The following ULK4 variants were observed in gnomAD, a reference collection of about 807,000 sequenced individuals.
ULK4 encodes the protein inactive serine/threonine-protein kinase ULK4.
A neutral mutation model predicts 160.6 loss-of-function variants in ULK4; 133 were observed. The observed-to-expected ratio is 0.83, with a 90% CI of 0.72 to 0.96. ULK4 has a LOEUF of 0.96. ULK4 is among the 40% of genes least tolerant of loss of function. ULK4 has a pLI of 0.00. For synonymous variants in ULK4, 534 were observed against 539.8 expected (o/e 0.99, Z 0.15); for missense variants, 1,580 against 1,499.5 (o/e 1.05, Z -0.89).
intron 31 of ULK4, among the ~76,000 whole-genome samples, chr3:41,566,683 G>C (rs983244561): frequency 3.3e-5 from 5 of 152,108 alleles, no homozygotes; most frequent in African/African-American, 1.2e-4. Flanking sequence ...AAAGAGAATG[G>C]AAAATGAGTT....
intron 32 of ULK4, among the ~76,000 whole-genome samples, chr3:41,500,670 C>T (rs1241924605): frequency 1.3e-5 from 2 of 152,094 alleles, no homozygotes; most frequent in African/African-American, 4.8e-5. Flanking sequence ...TCACTAGATC[C>T]CACAGAGGCC....
intron 21 of ULK4, among the ~76,000 whole-genome samples, chr3:41,775,031 A>G (rs1406993273): frequency 7.1e-6 from 1 of 141,590 alleles, no homozygotes; most frequent in Non-Finnish European, 1.5e-5. Context: ...ATGGGAACAC[A>G]TGGACACAGG....
intron 35 of ULK4, among the ~76,000 whole-genome samples, chr3:41,255,084 T>C (rs1178485636): frequency 6.6e-6 from 1 of 150,814 alleles, no homozygotes; most frequent in African/African-American, 2.5e-5. Context: ...ATAAAACATA[T>C]CTCTTATATA....
chr3:41,953,432 A>G (rs1024409856), intron 2 of ULK4, among the ~76,000 whole-genome samples: 14 of 151,340 alleles, frequency 9.3e-5, no homozygotes, highest in Non-Finnish European at 1.5e-4. Flanking sequence ...CCTCCTGAGT[A>G]GCTGGAATTA....
intron 29 of ULK4, among the ~76,000 whole-genome samples, chr3:41,672,943 T>C (rs1197761639): frequency 6.6e-6 from 1 of 152,116 alleles, no homozygotes; most frequent in Admixed American, 6.5e-5. Flanking sequence ...GCTTAAGGAA[T>C]CCTCCTACCT....
chr3:41,447,703 G>A (rs1314414758), intron 34 of ULK4, among the ~76,000 whole-genome samples: 2 of 152,172 alleles, frequency 1.3e-5, no homozygotes, highest in Admixed American at 6.5e-5. Flanking sequence ...CGGTTTTTAT[G>A]TATTGCGGTG....
intron 34 of ULK4, among the ~76,000 whole-genome samples, chr3:41,449,056 T>C (rs1409659011): frequency 5.0e-4 from 76 of 152,060 alleles, no homozygotes; most frequent in Non-Finnish European, 2.9e-5. Flanking sequence ...TAGTTGGGAC[T>C]ACAGGCATGC....
intron 30 of ULK4, among the ~76,000 whole-genome samples, chr3:41,644,557 T>C (rs1226066350): frequency 3.3e-5 from 5 of 152,166 alleles, no homozygotes; most frequent in Non-Finnish European, 4.4e-5. Flanking sequence ...TTGATCATGG[T>C]GGATAAGCTT....
intron 32 of ULK4, among the ~76,000 whole-genome samples, chr3:41,517,969 A>C (rs2085807349): frequency 6.6e-6 from 1 of 152,244 alleles, no homozygotes; most frequent in South Asian, 2.1e-4. Flanking sequence ...ATGGCTCAAA[A>C]AAGATTTGTT....
intron 22 of ULK4, among the ~76,000 whole-genome samples, chr3:41,718,844 A>T (rs1285716770): frequency 6.6e-6 from 1 of 152,222 alleles, no homozygotes; most frequent in Non-Finnish European, 1.5e-5. Flanking sequence ...CAATAGACTT[A>T]TGCATGCATT....
intron 21 of ULK4, among the ~76,000 whole-genome samples, chr3:41,780,930 G>A (rs1242540120): frequency 1.3e-5 from 2 of 152,008 alleles, no homozygotes; most frequent in Non-Finnish European, 2.9e-5. Flanking sequence ...CACAGAAAGG[G>A]GAAGGAAAGG....
chr3:41,522,251 C>T (rs2085957656), intron 32 of ULK4, among the ~76,000 whole-genome samples: 1 of 151,762 alleles, frequency 6.6e-6, no homozygotes, highest in South Asian at 2.1e-4. Context: ...CTCAGCCTCC[C>T]AACCTGTAAT....
chr3:41,711,922 C>G (rs1247102928), intron 25 of ULK4, among the ~76,000 whole-genome samples: 5 of 152,164 alleles, frequency 3.3e-5, no homozygotes, highest in Admixed American at 3.3e-4. Flanking sequence ...CTGCTGAAAC[C>G]TGGAGAGGGA....
intron 33 of ULK4, among the ~76,000 whole-genome samples, chr3:41,459,845 A>C (rs1418969564): frequency 6.6e-6 from 1 of 152,206 alleles, no homozygotes; most frequent in Non-Finnish European, 1.5e-5. Context: ...GATGAGCTGG[A>C]AAGGTACCCT....
chr3:41,664,846 A>C (rs776251364), intron 29 of ULK4, among the ~76,000 whole-genome samples: 1 of 152,190 alleles, frequency 6.6e-6, no homozygotes, highest in Non-Finnish European at 1.5e-5. Flanking sequence ...TTATTACCAA[A>C]GAGAATAAAA....
At chr3:41,254,836 T>A (rs2078803647) in intron 35 of ULK4, among the ~76,000 whole-genome samples, 1 of 149,628 alleles carries the variant, frequency 6.7e-6, no homozygotes, top group East Asian at 2.0e-4. Context: ...TGAGCAGAGA[T>A]CATGCCACTG....
At chr3:41,815,419 T>C (rs558572753) in intron 19 of ULK4, among the ~76,000 whole-genome samples, 3 of 152,256 alleles carry the variant, frequency 2.0e-5, no homozygotes, top group Non-Finnish European at 2.9e-5. Flanking sequence ...TTTATGTGAA[T>C]ACATTTGTGA....
At chr3:41,302,349 A>C (rs1391214906) in intron 35 of ULK4, among the ~76,000 whole-genome samples, 3 of 152,214 alleles carry the variant, frequency 2.0e-5, no homozygotes, top group African/African-American at 7.2e-5. Context: ...TCAAGACTTA[A>C]TGGAATGGTT....
At chr3:41,794,538 G>A in intron 20 of ULK4, among the ~76,000 whole-genome samples, 1 of 151,438 alleles carries the variant, frequency 6.6e-6, no homozygotes, top group Non-Finnish European at 1.5e-5. Flanking sequence ...GTGGACACCT[G>A]TAATCTCAAC....
Sources: gnomAD v4.1 joint callset for allele counts (sites outside exome capture counted in the v4.1 genomes callset) on GRCh38, gnomAD v4.1.1 for gene constraint, MANE v1.5 for transcripts, NCBI Gene and HGNC (gene_info 2026-07-23, HGNC 2026-07-21) for gene names.